Variants in OTUD6B observed in about 807,000 individuals in gnomAD.
OTUD6B encodes deubiquitinase OTUD6B.
A neutral mutation model predicts 36.9 loss-of-function variants in OTUD6B; 41 were observed. The ratio of observed to expected loss-of-function variants is 1.11; its 90% CI spans 0.87 to 1.44. The LOEUF is 1.44. Ranked by LOEUF, OTUD6B falls within the 40% of genes most tolerant of loss-of-function variation. OTUD6B has a pLI of 0.00. For synonymous variants in OTUD6B, 114 were observed against 114.2 expected (o/e 1.00, Z 0.01); for missense variants, 356 against 344.8 (o/e 1.03, Z -0.26).
At position 91,086,698 on chromosome 8, in the gene OTUD6B, A is replaced by G. The variant is rs1325725002; in HGVS notation, c.*1830A>G. ...TATGTCTATTTTTCAATTTTGTTAT[A>G]TTTTTAATTTAAGTGGCCAATGTGG... On this transcript the variant is annotated 3_prime_UTR_variant, in exon 7 of 7. Coordinates refer to ENST00000404789, the MANE Select transcript of OTUD6B (RefSeq NM_016023.5). The G allele has an allele frequency of 1.3e-5, 2 of 151,944 alleles. No individual in the cohort carries two copies. Among genetic ancestry groups the G allele is most frequent in the Non-Finnish European group, 2.9e-5 (2 of 67,914 alleles). The allele number at this position is 151,944 out of a possible 1,614,324, so 9.4% of individuals were successfully genotyped here. A position where few individuals can be genotyped will look rare whatever the true frequency, so the allele number is the denominator to read the frequency against.
rs939355877 is a variant in OTUD6B at position 91,080,507 on chromosome 8, T to C, written c.629-162T>C. 3 of 935,950 alleles carry C rather than the reference T, an allele frequency of 3.2e-6. No homozygotes were observed. The African/African-American group carries it at 5.3e-5, about 17-fold the overall frequency. 58.0% of individuals were successfully genotyped at this position (935,950 alleles called of 1,614,324 possible). On this transcript the variant is annotated intron_variant, in intron 4 of 6. Coordinates refer to ENST00000404789, the MANE Select transcript of OTUD6B (RefSeq NM_016023.5). ...TGGTAGAAAGTTGGGGTGAATTAAG[T>C]TTGGACCTGGGAGTTAGATTAGATT...
In OTUD6B at chr8:91,073,674, A is replaced by G. The variant is rs570719604; in HGVS notation, c.235-157A>G. The G allele has an allele frequency of 5.1e-6, 4 of 783,106 alleles. No homozygotes were observed. The South Asian group carries it at 2.3e-4, about 46-fold the overall frequency. The allele number at this position is 783,106 out of a possible 1,614,324, so 48.5% of individuals were successfully genotyped here. On this transcript the variant is annotated intron_variant, in intron 2 of 6. Coordinates refer to ENST00000404789, the MANE Select transcript of OTUD6B (RefSeq NM_016023.5). ...AAAGAAACTTCTTGGGAACTTGTCA[A>G]ATTCTTCCATAAAAATAGAAACAGG...
At chr8:91,070,825 C>G (rs896940007) in intron 1 of OTUD6B, among the ~76,000 whole-genome samples, 1 of 152,054 alleles carries the variant, frequency 6.6e-6, no homozygotes, top group Non-Finnish European at 1.5e-5. Flanking sequence ...TTTGAATGGA[C>G]CCGCCTCAGT....
In OTUD6B at chr8:91,073,928, A is replaced by C; in HGVS notation, c.315+17A>C. 6.4e-7 allele frequency: 1 copy of C among 1,551,272 alleles called. No homozygotes were observed. ...AAGAGACGGGTATGAAAGTCATGTC[A>C]CCAAGTATATAAGTTAGTGCTGTGT... On this transcript the variant is annotated intron_variant, in intron 3 of 6. Coordinates refer to ENST00000404789, the MANE Select transcript of OTUD6B (RefSeq NM_016023.5).
chr8:91,070,381 C>T lies in OTUD6B; in HGVS notation c.-4C>T, dbSNP rs1354707857. 3 of 1,610,114 alleles carry T rather than the reference C, an allele frequency of 1.9e-6. No individual in the cohort carries two copies. The highest frequency in any genetic ancestry group is 2.5e-6 in the Non-Finnish European group (3 of 1,178,228). ...TAGCGCGTGTGCTGGGGTACCTGGT[C>T]GTCATGGAGGCGGTATTGACCGAAG... On this transcript the variant is annotated 5_prime_UTR_variant, in exon 1 of 7. Coordinates refer to ENST00000404789, the MANE Select transcript of OTUD6B (RefSeq NM_016023.5).
Position 91,084,931 on chromosome 8 carries a change from T to A in OTUD6B, c.*63T>A. On this transcript the variant is annotated 3_prime_UTR_variant, in exon 7 of 7. Coordinates refer to ENST00000404789, the MANE Select transcript of OTUD6B (RefSeq NM_016023.5). ...TGCTGAACTGAGTATTTCTACCAAGTGTTGGGTTGTTCTAAATGCTACTGA... is the reference window on the plus strand; with the variant it reads ...TGCTGAACTGAGTATTTCTACCAAGAGTTGGGTTGTTCTAAATGCTACTGA... The A allele has an allele frequency of 2.5e-6, 2 of 787,082 alleles. No individual in the cohort carries two copies. The highest frequency in any genetic ancestry group is 3.9e-6 in the Non-Finnish European group (2 of 514,946). 48.8% of individuals were successfully genotyped at this position (787,082 alleles called of 1,614,324 possible).
rs758138339 is a variant in OTUD6B at position 91,071,331 on chromosome 8, A to G, written c.234+42A>G. 3 of 1,519,764 alleles carry G rather than the reference A, an allele frequency of 2.0e-6. No individual in the cohort carries two copies. The East Asian group carries it at 7.0e-5, about 36-fold the overall frequency. The allele number at this position is 1,519,764 out of a possible 1,614,324, so 94.1% of individuals were successfully genotyped here. A position where few individuals can be genotyped will look rare whatever the true frequency, so the allele number is the denominator to read the frequency against. ...TTTGTCGTTGCCTACACCATTTGAA[A>G]ACAGCTGTCCACTTCTGTTAAATGT... On this transcript the variant is annotated intron_variant, in intron 2 of 6. Transcript: ENST00000404789.
At chr8:91,079,825 T>C (rs1429006349) in intron 4 of OTUD6B, among the ~76,000 whole-genome samples, 1 of 152,102 alleles carries the variant, frequency 6.6e-6, no homozygotes, top group Admixed American at 6.6e-5. Flanking sequence ...AAGACTTAAT[T>C]AATTATCTCC....
rs1472577530 is a variant in OTUD6B at position 91,078,564 on chromosome 8, CTG to C, written c.527_528del (p.Val176GlyfsTer9). The C allele has an allele frequency of 1.9e-6, 3 of 1,607,926 alleles. No individual in the cohort carries two copies. Among genetic ancestry groups the C allele is most frequent in the Admixed American group, 1.7e-5 (1 of 59,124 alleles). ...CTGAAAGAAAAGGATTGTGCTCTGA[CTG>C]TGGTTGCCTTGAGAAGTCAGACCGC... On this transcript the variant is annotated frameshift_variant, in exon 4 of 7. Coordinates refer to ENST00000404789, the MANE Select transcript of OTUD6B (RefSeq NM_016023.5). LOFTEE classifies it high-confidence loss of function.
chr8:91,079,954 T>C (rs1402050636), intron 4 of OTUD6B, among the ~76,000 whole-genome samples: 2 of 152,172 alleles, frequency 1.3e-5, no homozygotes, highest in African/African-American at 2.4e-5. Flanking sequence ...ATTTTTCTTC[T>C]AGATGTCCAT....
At position 91,080,699 on chromosome 8, in the gene OTUD6B, TA is replaced by T; in HGVS notation, c.662del (p.Asn221ThrfsTer11). On this transcript the variant is annotated frameshift_variant, in exon 5 of 7. Transcript: ENST00000404789. LOFTEE classifies it high-confidence loss of function. ...EEFQKYCEDIVNTAAWGGQLE... is the reference protein window; with the variant it reads ...EEFQKYCEDIXNTAAWGGQLE... ...TTTCAGAAGTACTGTGAAGATATTG[TA>T]AACACAGCTGCATGGGGAGGTCAGC... is the stretch of plus-strand genomic sequence containing the variant. 1 of 1,604,394 alleles carries T rather than the reference TA, an allele frequency of 6.2e-7. No individual in the cohort carries two copies. Among genetic ancestry groups the T allele is most frequent in the Non-Finnish European group, 8.5e-7 (1 of 1,174,752 alleles).
At chr8:91,076,844 T>A in intron 3 of OTUD6B, 5 of 664,948 alleles carry the variant, frequency 7.5e-6, no homozygotes, top group Non-Finnish European at 2.7e-6. Flanking sequence ...AGGTACACAG[T>A]GAAATAAATT....
intron 1 of OTUD6B, among the ~76,000 whole-genome samples, chr8:91,070,802 C>T (rs1157057054): frequency 1.3e-5 from 2 of 152,022 alleles, no homozygotes; most frequent in Admixed American, 1.3e-4. Context: ...ATACTTGTCC[C>T]TAATGGGTGT....
At chr8:91,082,613 T>C (rs1812927532) in intron 5 of OTUD6B, among the ~76,000 whole-genome samples, 1 of 151,978 alleles carries the variant, frequency 6.6e-6, no homozygotes, top group Admixed American at 6.6e-5. Context: ...TGACAAGTCT[T>C]GTAACCCTTT....
Position 91,078,656 on chromosome 8 carries a change from A to G in OTUD6B, c.616A>G (p.Met206Val), listed in dbSNP as rs1812846177. ...TTTAACAAACCCTAATACAGGAGAT[A>G]TGTATACTCCAGGTAATTTATTTTT... is the stretch of plus-strand genomic sequence containing the variant. The part of the protein sequence containing the change: ...PFLTNPNTGD[M>V]YTPEEFQKYC... The change falls in exon 4 of 7, where the codon ATG (methionine) becomes GTG (valine). Residue 206 changes from methionine to valine, a missense_variant. Met to Val is a conservative substitution (Grantham distance 21). Coordinates refer to ENST00000404789, the MANE Select transcript of OTUD6B (RefSeq NM_016023.5). 6.4e-6 allele frequency: 10 copies of G among 1,562,620 alleles called. No homozygotes were observed. In the East Asian group the frequency reaches 1.6e-4, roughly 25 times the overall value.
chr8:91,075,780 A>G (rs998458523), intron 3 of OTUD6B, among the ~76,000 whole-genome samples: 3 of 152,120 alleles, frequency 2.0e-5, no homozygotes, highest in African/African-American at 7.2e-5. Flanking sequence ...GTGTTAGATT[A>G]TTTGGAACCT....
intron 4 of OTUD6B, 135 bp from the exon 5 acceptor site, chr8:91,080,534 T>C: frequency 7.0e-7 from 1 of 1,437,808 alleles, no homozygotes; most frequent in African/African-American, 1.5e-5. Context: ...GATTAGATTC[T>C]GGAGGATAAT....
chr8:91,080,684 A>G lies in OTUD6B; in HGVS notation c.644A>G (p.Tyr215Cys). ...DMYTPEEFQK[Y>C]CEDIVNTAAW... ...ATCTCTACAGAAGAATTTCAGAAGT[A>G]CTGTGAAGATATTGTAAACACAGCT... is the stretch of plus-strand genomic sequence containing the variant. Residue 215 changes from tyrosine to cysteine, a missense_variant, in exon 5 of 7, where the codon TAC becomes TGC. Tyr to Cys is a radical substitution (Grantham distance 194). Coordinates refer to ENST00000404789, the MANE Select transcript of OTUD6B (RefSeq NM_016023.5). 2.5e-6 allele frequency: 4 copies of G among 1,602,896 alleles called. No homozygotes were observed. Among genetic ancestry groups the G allele is most frequent in the Non-Finnish European group, 3.4e-6 (4 of 1,173,872 alleles).
intron 3 of OTUD6B, among the ~76,000 whole-genome samples, chr8:91,077,830 T>C (rs764021039): frequency 5.9e-5 from 9 of 151,804 alleles, no homozygotes; most frequent in Non-Finnish European, 1.3e-4. Flanking sequence ...AGTCTCTCTC[T>C]TATATTTTAA....
Sources: allele counts gnomAD v4.1 joint callset (sites outside exome capture counted in the v4.1 genomes callset), GRCh38; gene constraint gnomAD v4.1.1; transcripts MANE v1.5; gene names NCBI Gene and HGNC (gene_info 2026-07-23, HGNC 2026-07-21).